Variants in TCTN2 observed in about 807,000 individuals in gnomAD.
TCTN2 encodes the protein tectonic family member 2, also known as tectonic-2.
TCTN2 carries 66 observed loss-of-function variants against 83.4 expected under a neutral mutation model. The observed-to-expected ratio is 0.79, with a 90% confidence interval of 0.65 to 0.97. TCTN2 has a LOEUF of 0.97. TCTN2 is among the 50% of genes least tolerant of loss of function. The probability of loss-of-function intolerance (pLI) is 0.00; values close to 1 mark genes in which losing one functional copy is unlikely to be tolerated. For missense variants in TCTN2, 794 were observed against 858.1 expected, an observed-to-expected ratio of 0.93 and a Z score of 0.93; for synonymous variants, 301 against 326.7, an observed-to-expected ratio of 0.92 and a Z score of 0.85.
chr12:123,707,074 G>A lies in TCTN2; in HGVS notation c.1984+1G>A, dbSNP rs1483879392. 6.2e-7 allele frequency: 1 copy of A among 1,612,692 alleles called. No individual in the cohort carries two copies. The stretch of plus-strand genomic sequence containing the variant: ...TATCCATGGACTCAGTATTATCAAG[G>A]TAGGGTGAAACAGATTTCTATGACC... On this transcript the variant is annotated splice_donor_variant, in intron 17 of 17. Transcript: ENST00000303372. LOFTEE classifies it high-confidence loss of function.
chr12:123,707,794 C>A lies in TCTN2; in HGVS notation c.*81C>A. ...TGAAGTGATCTCGGCTCACCACAAC[C>A]TCCTCCTCTTGGGTTCAAGCGATTC... On this transcript the variant is annotated 3_prime_UTR_variant, in exon 18 of 18. Transcript: ENST00000303372. 2 of 1,088,792 alleles carry A rather than the reference C, an allele frequency of 1.8e-6. No homozygotes were observed. Among genetic ancestry groups the A allele is most frequent in the Non-Finnish European group, 2.8e-6 (2 of 708,648 alleles). 67.4% of individuals were successfully genotyped at this position (1,088,792 alleles called of 1,614,324 possible).
chr12:123,679,060 A>T (rs1177276359), intron 4 of TCTN2, 129 bp from the exon 5 acceptor site: 7 of 773,206 alleles, frequency 9.1e-6, no homozygotes, highest in Non-Finnish European at 1.6e-5. Flanking sequence ...GCCTCCCAAA[A>T]TGCTGGGATT....
intron 13 of TCTN2, among the ~76,000 whole-genome samples, chr12:123,698,630 C>T (rs1035517854): frequency 2.6e-5 from 4 of 151,896 alleles, no homozygotes; most frequent in South Asian, 2.1e-4. Context: ...GGGGTTTCAC[C>T]GTGTTGCTCA....
chr12:123,671,403 G>A (rs1955748717), intron 1 of TCTN2, 81 bp downstream of exon 1: 4 of 1,585,820 alleles, frequency 2.5e-6, no homozygotes, highest in African/African-American at 1.3e-5. Flanking sequence ...GGACTCCCCC[G>A]GGAGCTTCGG....
chr12:123,697,222 A>T (rs748052824), intron 13 of TCTN2, 24 bp downstream of exon 13: 7 of 1,500,236 alleles, frequency 4.7e-6, no homozygotes, highest in South Asian at 1.1e-5. Flanking sequence ...TGATGAATAT[A>T]TCGGCAATGT....
Position 123,707,832 on chromosome 12 carries a change from C to T in TCTN2, c.*119C>T. The T allele has an allele frequency of 9.0e-6, 7 of 777,154 alleles. No individual in the cohort carries two copies. Among genetic ancestry groups the T allele is most frequent in the Non-Finnish European group, 1.3e-5 (6 of 444,920 alleles). The allele number at this position is 777,154 out of a possible 1,614,324, so 48.1% of individuals were successfully genotyped here. A position where few individuals can be genotyped will look rare whatever the true frequency, so the allele number is the denominator to read the frequency against. Reference sequence around the variant, plus strand: ...GTTCAAGCGATTCTCCTGCCTCAGCCTCCGGAGAACTGGGATTACAGGCAT... The same window carrying T: ...GTTCAAGCGATTCTCCTGCCTCAGCTTCCGGAGAACTGGGATTACAGGCAT... On this transcript the variant is annotated 3_prime_UTR_variant, in exon 18 of 18. Transcript: ENST00000303372.
chr12:123,706,016 A>G (rs768800162), intron 15 of TCTN2, among the ~76,000 whole-genome samples: 2 of 152,040 alleles, frequency 1.3e-5, no homozygotes, highest in Non-Finnish European at 2.9e-5. Context: ...TCAGCCTCCC[A>G]AAGTGCTGGG....
intron 14 of TCTN2, chr12:123,700,271 A>T: frequency 7.7e-6 from 2 of 260,090 alleles, no homozygotes; most frequent in South Asian, 3.2e-5. Context: ...CCAACCTCTT[A>T]AACCCCAACC....
chr12:123,688,230 T>TTA, intron 7 of TCTN2, 53 bp downstream of exon 7: 1 of 1,550,512 alleles, frequency 6.4e-7, no homozygotes, highest in Admixed American at 1.7e-5. Context: ...TTTTTTTTTT[T>TTA]TATGAGACGG....
intron 3 of TCTN2, among the ~76,000 whole-genome samples, chr12:123,672,975 G>A (rs1236758964): frequency 1.3e-5 from 2 of 152,174 alleles, no homozygotes; most frequent in South Asian, 2.1e-4. Flanking sequence ...ACTTGAACCC[G>A]GGAGGCAGAG....
intron 4 of TCTN2, among the ~76,000 whole-genome samples, chr12:123,676,881 T>A (rs1955829563): frequency 6.6e-6 from 1 of 152,098 alleles, no homozygotes; most frequent in African/African-American, 2.4e-5. Context: ...TATTCTGAAG[T>A]GTCTCGTGGC....
chr12:123,682,252 G>A (rs553229912), intron 5 of TCTN2, among the ~76,000 whole-genome samples: 21 of 152,302 alleles, frequency 1.4e-4, no homozygotes, highest in Non-Finnish European at 2.4e-4. Context: ...GATTATAGGC[G>A]TGAGCCACCA....
At position 123,694,910 on chromosome 12, in the gene TCTN2, A is replaced by G. The variant is rs371544420; in HGVS notation, c.1168A>G (p.Asn390Asp). 6.2e-7 allele frequency: 1 copy of G among 1,612,408 alleles called. No individual in the cohort carries two copies. The highest frequency in any genetic ancestry group is 8.5e-7 in the Non-Finnish European group (1 of 1,178,588). Residue 390 changes from asparagine to aspartate, a missense_variant, in exon 10 of 18, where the codon AAT (asparagine) becomes GAT (aspartate). Physicochemically the swap from Asn to Asp is conservative, Grantham distance 23. Coordinates refer to ENST00000303372, the MANE Select transcript of TCTN2 (RefSeq NM_024809.5). Reference protein sequence around the residue: ...NVEEHYIFKWNNNTISEINVK... With the variant: ...NVEEHYIFKWDNNTISEINVK... ...GGAAGAACATTATATTTTCAAATGG[A>G]ATAATAATACCATCAGTGAAATAAA...
At chr12:123,696,130 C>T (rs1956105415) in intron 11 of TCTN2, 1 of 392,428 alleles carries the variant, frequency 2.5e-6, no homozygotes, top group Non-Finnish European at 4.8e-6. Flanking sequence ...AGGCGTGAGC[C>T]ACTACGCCTG....
chr12:123,685,955 T>C (rs1224520659), intron 5 of TCTN2, among the ~76,000 whole-genome samples: 1 of 151,594 alleles, frequency 6.6e-6, no homozygotes, highest in African/African-American at 2.4e-5. Context: ...GGTCTCAAAC[T>C]TCTGGGCTCA....
At chr12:123,687,938 T>C (rs1955993526) in intron 6 of TCTN2, 113 bp from the exon 7 acceptor site, 5 of 1,449,936 alleles carry the variant, frequency 3.4e-6, no homozygotes, top group Non-Finnish European at 4.8e-6. Context: ...CACTCCAGCC[T>C]GGGTGACAGA....
rs747470574 is a variant in TCTN2 at position 123,704,635 on chromosome 12, T to A, written c.1716T>A (p.Asp572Glu). 6.2e-7 allele frequency: 1 copy of A among 1,613,514 alleles called. No homozygotes were observed. Among genetic ancestry groups the A allele is most frequent in the South Asian group, 1.1e-5 (1 of 91,046 alleles). The change falls in exon 15 of 18, where the codon GAT becomes GAA. Residue 572 changes from aspartate (D) to glutamate (E), a missense_variant. By Grantham distance (45) the Asp-to-Glu change is conservative. Coordinates refer to ENST00000303372, the MANE Select transcript of TCTN2 (RefSeq NM_024809.5). ...AHLSIRILISDAGAVEGITQQ... is the reference protein window; with the variant it reads ...AHLSIRILISEAGAVEGITQQ... The stretch of plus-strand genomic sequence containing the variant: ...TGAGCATCCGCATCCTCATCTCGGA[T>A]GCTGGCGCGGTGGAAGGGATTACTC...
intron 5 of TCTN2, among the ~76,000 whole-genome samples, chr12:123,681,686 A>G (rs1408612467): frequency 6.6e-6 from 1 of 152,174 alleles, no homozygotes; most frequent in Non-Finnish European, 1.5e-5. Flanking sequence ...GCTATTATGA[A>G]TAGTGCCGCT....
chr12:123,693,458 T>G (rs1324012114), intron 9 of TCTN2, among the ~76,000 whole-genome samples: 4 of 120,888 alleles, frequency 3.3e-5, no homozygotes, highest in Non-Finnish European at 5.5e-5. Context: ...TGGCAGATTT[T>G]TTTTTTTTTT....
Sources: gnomAD v4.1 joint callset for allele counts (sites outside exome capture counted in the v4.1 genomes callset) on GRCh38, gnomAD v4.1.1 for gene constraint, MANE v1.5 for transcripts, NCBI Gene and HGNC (gene_info 2026-07-23, HGNC 2026-07-21) for gene names.